CEMIP: variants seen among roughly 807,000 people sequenced by gnomAD.
CEMIP encodes the protein cell migration inducing hyaluronidase 1.
Under a neutral mutation model 156.9 loss-of-function variants are expected in CEMIP, and 105 were observed. That is an observed-to-expected ratio of 0.67 (90% CI 0.57 to 0.79). CEMIP has a LOEUF of 0.79. Ranked by LOEUF, CEMIP falls within the 30% of genes least tolerant of loss-of-function variation. CEMIP has a pLI of 0.00. For synonymous variants in CEMIP, 676 were observed against 668.4 expected, an observed-to-expected ratio of 1.01 and a Z score of -0.17; for missense variants, 1,457 against 1,769.4, an observed-to-expected ratio of 0.82 and a Z score of 3.17.
At position 80,824,810 on chromosome 15, in the gene CEMIP, G is replaced by A. The variant is rs185762724; in HGVS notation, c.-176+45196G>A. On this transcript the variant is annotated intron_variant, in intron 1 of 29. Coordinates refer to ENST00000394685, the MANE Select transcript of CEMIP (RefSeq NM_001293298.2). ...CCCACCTCTTTGAACTAGGTAGGGTGGGTGCTTATGTTTCTGGTTCCCACA... is the reference window on the plus strand; with the variant it reads ...CCCACCTCTTTGAACTAGGTAGGGTAGGTGCTTATGTTTCTGGTTCCCACA... 5.5e-4 allele frequency among the ~76,000 whole-genome samples: 84 copies of A among 152,298 alleles called. No homozygotes were observed. The Middle Eastern group carries it at 0.01, about 19-fold the overall frequency.
chr15:80,915,913 A>C (rs767999173), intron 14 of CEMIP, among the ~76,000 whole-genome samples: 2 of 152,224 alleles, frequency 1.3e-5, no homozygotes, highest in Non-Finnish European at 2.9e-5. Context: ...TTCAAAAAGA[A>C]ATTTTTTAAA....
chr15:80,851,405 T>C (rs1444175233), intron 1 of CEMIP, among the ~76,000 whole-genome samples: 4 of 152,192 alleles, frequency 2.6e-5, no homozygotes, highest in African/African-American at 9.7e-5. Context: ...TGAATCCCTA[T>C]TCTAGGCCAG....
intron 14 of CEMIP, among the ~76,000 whole-genome samples, chr15:80,918,169 G>A (rs1453556431): frequency 6.6e-6 from 1 of 152,188 alleles, no homozygotes; most frequent in East Asian, 1.9e-4. Flanking sequence ...CAGCTCCCCA[G>A]GGGGCTGAGG....
rs547754539 is a variant in CEMIP, at chr15:80,780,548, C to T, written c.-176+934C>T. Among the ~76,000 whole-genome samples the T allele has an allele frequency of 4.7e-4, 72 of 152,334 alleles. 1 individual carries two copies. The highest frequency in any genetic ancestry group is 4.6e-4 in the Non-Finnish European group (31 of 68,032). ...GCTACGGCAGTCCCAGGAGTTCCGCCAGCTGCCGGGTTTGAGGTCCTGAGT... is the reference window on the plus strand; with the variant it reads ...GCTACGGCAGTCCCAGGAGTTCCGCTAGCTGCCGGGTTTGAGGTCCTGAGT... On this transcript the variant is annotated intron_variant, in intron 1 of 29. Transcript: ENST00000394685.
intron 1 of CEMIP, among the ~76,000 whole-genome samples, chr15:80,850,204 C>G (rs1449403633): frequency 6.6e-6 from 1 of 152,108 alleles, no homozygotes; most frequent in African/African-American, 2.4e-5. Flanking sequence ...TTGGCAGGAG[C>G]TGGCCGGGGA....
chr15:80,897,687 G>A (rs1291424199), intron 12 of CEMIP, among the ~76,000 whole-genome samples: 1 of 152,004 alleles, frequency 6.6e-6, no homozygotes, highest in African/African-American at 2.4e-5. Context: ...AAGGTTTCAG[G>A]GTATCTTACC....
intron 13 of CEMIP, among the ~76,000 whole-genome samples, chr15:80,907,321 G>A (rs1352862374): frequency 6.6e-6 from 1 of 152,236 alleles, no homozygotes; most frequent in Non-Finnish European, 1.5e-5. Flanking sequence ...CCAACACTTT[G>A]GGGAGCCAAG....
At chr15:80,942,368 GT>G in intron 27 of CEMIP, 31 bp downstream of exon 27, 1 of 1,577,064 alleles carries the variant, frequency 6.3e-7, no homozygotes, top group Non-Finnish European at 8.7e-7. Flanking sequence ...GAGGATTCGG[GT>G]TTGCTCATTG....
At chr15:80,828,283 G>C (rs1190047462) in intron 1 of CEMIP, among the ~76,000 whole-genome samples, 1 of 152,080 alleles carries the variant, frequency 6.6e-6, no homozygotes, top group Non-Finnish European at 1.5e-5. Flanking sequence ...GGGAGGCTCA[G>C]CCAGGACTAT....
Position 80,906,488 on chromosome 15 carries a change from C to T in CEMIP, c.1412-175C>T, listed in dbSNP as rs1490371098. On this transcript the variant is annotated intron_variant, in intron 12 of 29. Coordinates refer to ENST00000394685, the MANE Select transcript of CEMIP (RefSeq NM_001293298.2). The surrounding 1 kb of genome is among the most constrained non-coding windows in gnomAD (Gnocchi z 4.3). Reference sequence around the variant, plus strand: ...TGTGTAACTGTGAGATCTGGGTCTGCATGCAGGCGTGTGACTTCACCTCCC... The same window carrying T: ...TGTGTAACTGTGAGATCTGGGTCTGTATGCAGGCGTGTGACTTCACCTCCC... 6.6e-6 allele frequency among the ~76,000 whole-genome samples: 1 copy of T among 152,176 alleles called. No homozygotes were observed. The highest frequency in any genetic ancestry group is 2.4e-5 in the African/African-American group (1 of 41,436).
In CEMIP at chr15:80,912,680, C is replaced by A. The variant is rs185466406; in HGVS notation, c.1797+3374C>A. Reference sequence around the variant, plus strand: ...TAAGATCTCCAAGAGCCATCCCCCGCATGGGAATTGGGTTTATGGATTGGC... The same window carrying A: ...TAAGATCTCCAAGAGCCATCCCCCGAATGGGAATTGGGTTTATGGATTGGC... On this transcript the variant is annotated intron_variant, in intron 14 of 29. Transcript: ENST00000394685. Among the ~76,000 whole-genome samples, 67 of 152,334 alleles carry A rather than the reference C, an allele frequency of 4.4e-4. No individual in the cohort carries two copies. In the Middle Eastern group the frequency reaches 0.017, roughly 39 times the overall value.
At chr15:80,825,920 T>C (rs1338112370) in intron 1 of CEMIP, among the ~76,000 whole-genome samples, 1 of 152,224 alleles carries the variant, frequency 6.6e-6, no homozygotes, top group Non-Finnish European at 1.5e-5. Context: ...AACAGAAACA[T>C]CTGAGATAAA....
intron 3 of CEMIP, 37 bp from the exon 4 acceptor site, chr15:80,878,684 G>T (rs1354640456): frequency 1.2e-6 from 2 of 1,613,696 alleles, no homozygotes; most frequent in Non-Finnish European, 8.5e-7. Flanking sequence ...GGTGAGGCTG[G>T]TAGATGGGAG....
Position 80,887,913 on chromosome 15 carries a change from T to C in CEMIP, c.868+149T>C, listed in dbSNP as rs1898904621. On this transcript the variant is annotated intron_variant, in intron 8 of 29. Coordinates refer to ENST00000394685, the MANE Select transcript of CEMIP (RefSeq NM_001293298.2). Reference sequence around the variant, plus strand: ...GTGAGCAGCCGCTTAACTGGCCACCTTACATGGAAGTGGCAAAGGCCAATG... The same window carrying C: ...GTGAGCAGCCGCTTAACTGGCCACCCTACATGGAAGTGGCAAAGGCCAATG... The C allele has an allele frequency of 8.4e-6, 6 of 717,318 alleles. No individual in the cohort carries two copies. The Admixed American group carries it at 1.1e-4, about 13-fold the overall frequency. 44.4% of individuals were successfully genotyped at this position (717,318 alleles called of 1,614,324 possible).
chr15:80,820,671 A>G (rs182471083), intron 1 of CEMIP, among the ~76,000 whole-genome samples: 116 of 152,366 alleles, frequency 7.6e-4, no homozygotes, highest in African/African-American at 2.8e-3. Flanking sequence ...CAGGCCATAG[A>G]AGCTGATAGA....
intron 24 of CEMIP, among the ~76,000 whole-genome samples, chr15:80,937,463 C>T (rs983339653): frequency 6.6e-6 from 1 of 152,240 alleles, no homozygotes; most frequent in East Asian, 1.9e-4. Context: ...CCAGAAGGGG[C>T]TCAGCCTAGG....
chr15:80,789,300 T>C (rs1896021268), intron 1 of CEMIP, among the ~76,000 whole-genome samples: 1 of 152,224 alleles, frequency 6.6e-6, no homozygotes, highest in Non-Finnish European at 1.5e-5. Context: ...GACAGGAACG[T>C]GTGTCCTCTT....
At chr15:80,783,543 T>C (rs1020148700) in intron 1 of CEMIP, among the ~76,000 whole-genome samples, 3 of 152,182 alleles carry the variant, frequency 2.0e-5, no homozygotes, top group African/African-American at 7.2e-5. Flanking sequence ...TGGCAGTGGG[T>C]ACTGGGGGAG....
intron 1 of CEMIP, among the ~76,000 whole-genome samples, chr15:80,827,713 A>C (rs1360808507): frequency 1.3e-5 from 2 of 152,206 alleles, no homozygotes; most frequent in African/African-American, 4.8e-5. Context: ...TTTGCTACTG[A>C]GAATTAGGAA....
Sources: gnomAD v4.1 joint callset for allele counts (sites outside exome capture counted in the v4.1 genomes callset) on GRCh38, gnomAD v4.1.1 for gene constraint, Gnocchi (gnomAD v3.1) non-coding constraint, MANE v1.5 for transcripts, NCBI Gene and HGNC (gene_info 2026-07-23, HGNC 2026-07-21) for gene names.